The following CCDC175 variants were observed in gnomAD, a reference collection of about 807,000 sequenced individuals.
The protein encoded by CCDC175 is coiled-coil domain containing 175.
CCDC175 carries 100 observed loss-of-function variants against 114.6 expected under a neutral mutation model. The observed-to-expected ratio is 0.87, with a 90% CI of 0.74 to 1.03. The LOEUF (loss-of-function observed/expected upper bound fraction) is 1.03. Ranked by LOEUF, CCDC175 falls within the 50% of genes least tolerant of loss-of-function variation. CCDC175 has a pLI of 0.00. For missense variants in CCDC175, 880 were observed against 917.8 expected (o/e 0.96, Z 0.53); for synonymous variants, 306 against 308.7 (o/e 0.99, Z 0.09).
At chr14:59,549,423 G>A (rs980857911) in intron 8 of CCDC175, among the ~76,000 whole-genome samples, 6 of 152,184 alleles carry the variant, frequency 3.9e-5, no homozygotes, top group Non-Finnish European at 8.8e-5. Context: ...TGCAGCAGGA[G>A]GATCACCTAG....
At chr14:59,551,848 C>T (rs1170088699) in intron 7 of CCDC175, among the ~76,000 whole-genome samples, 2 of 152,238 alleles carry the variant, frequency 1.3e-5, no homozygotes, top group East Asian at 3.8e-4. Flanking sequence ...GAGGATCCCA[C>T]GCCCATGGAG....
At chr14:59,568,488 T>G in intron 3 of CCDC175, 108 bp from the exon 4 acceptor site, 1 of 888,580 alleles carries the variant, frequency 1.1e-6, no homozygotes. Flanking sequence ...TAATAATGTT[T>G]TTTATCAAGC....
At chr14:59,561,344 ACTTC>A in intron 6 of CCDC175, 116 bp from the exon 7 acceptor site, 1 of 490,990 alleles carries the variant, frequency 2.0e-6, no homozygotes, top group Non-Finnish European at 3.6e-6. Flanking sequence ...TTAGGAGTGT[ACTTC>A]AAGGAAAAAA....
At chr14:59,552,364 G>C (rs542175485) in intron 7 of CCDC175, among the ~76,000 whole-genome samples, 2 of 152,324 alleles carry the variant, frequency 1.3e-5, no homozygotes, top group South Asian at 4.1e-4. Context: ...ACAGGGTCTG[G>C]AGTGGACCTC....
Position 59,545,266 on chromosome 14 carries a change from A to G in CCDC175, c.1069T>C (p.Tyr357His), listed in dbSNP as rs1027543109. The change falls in exon 9 of 20, where the codon TAC becomes CAC. Residue 357 changes from tyrosine to histidine, a missense_variant. Tyr to His is a moderately conservative substitution (Grantham distance 83). Coordinates refer to ENST00000537690, the MANE Select transcript of CCDC175 (RefSeq NM_001164399.2). Reference protein sequence around the residue: ...VETLHAARMEYKDLREKMKTL... With the variant: ...VETLHAARMEHKDLREKMKTL... ...TTCATTTTCTCTCGTAGGTCTTTGT[A>G]TTCCATACGAGCAGCATGCAGTGTT... The G allele has an allele frequency of 6.5e-7, 1 of 1,536,976 alleles. No individual in the cohort carries two copies. Among genetic ancestry groups the G allele is most frequent in the Non-Finnish European group, 8.7e-7 (1 of 1,146,750 alleles).
chr14:59,576,528 G>T, intron 1 of CCDC175, 91 bp downstream of exon 1: 1 of 1,226,282 alleles, frequency 8.2e-7, no homozygotes, highest in Non-Finnish European at 1.1e-6. Context: ...CTGGTTCCGG[G>T]AGGAGAGTCC....
intron 6 of CCDC175, 111 bp from the exon 7 acceptor site, chr14:59,561,339 A>C (rs1896218450): frequency 3.9e-6 from 2 of 513,310 alleles, no homozygotes; most frequent in African/African-American, 1.9e-5. Context: ...TTACATTAGG[A>C]GTGTACTTCA....
intron 2 of CCDC175, among the ~76,000 whole-genome samples, chr14:59,573,198 C>T (rs1896931986): frequency 6.6e-6 from 1 of 152,158 alleles, no homozygotes; most frequent in African/African-American, 2.4e-5. Context: ...ATGGTTTTCT[C>T]ATACACACCT....
At chr14:59,539,303 C>T (rs1019689419) in intron 11 of CCDC175, among the ~76,000 whole-genome samples, 14 of 152,342 alleles carry the variant, frequency 9.2e-5, no homozygotes, top group Admixed American at 3.3e-4. Context: ...TAGGGCCAGG[C>T]GCAGTGGCTC....
intron 13 of CCDC175, among the ~76,000 whole-genome samples, chr14:59,534,001 A>AAAG (rs1269845389): frequency 4.0e-5 from 6 of 151,724 alleles, no homozygotes; most frequent in Non-Finnish European, 5.9e-5. Flanking sequence ...AAAAAAAAAA[A>AAAG]AAAAAGAAAC....
intron 17 of CCDC175, among the ~76,000 whole-genome samples, chr14:59,519,830 G>T (rs898340492): frequency 1.3e-5 from 2 of 152,158 alleles, no homozygotes; most frequent in Non-Finnish European, 2.9e-5. Context: ...GTCATAAGAC[G>T]CCATGAACTT....
At chr14:59,546,978 G>T (rs117582733) in intron 8 of CCDC175, among the ~76,000 whole-genome samples, 301 of 152,244 alleles carry the variant, frequency 2.0e-3, no homozygotes, top group Middle Eastern at 3.4e-3. Context: ...GGTGGCTCGT[G>T]CCTGTAATCC....
chr14:59,564,275 T>G (rs906185874), intron 5 of CCDC175: 6 of 152,800 alleles, frequency 3.9e-5, no homozygotes, highest in African/African-American at 1.4e-4. Context: ...TCACATTATT[T>G]AATGGGAAAT....
intron 10 of CCDC175, among the ~76,000 whole-genome samples, chr14:59,542,119 G>A (rs1179363153): frequency 6.6e-6 from 1 of 152,114 alleles, no homozygotes; most frequent in African/African-American, 2.4e-5. Flanking sequence ...CTCCCTTTGT[G>A]TGGTGATATC....
At chr14:59,565,767 G>C (rs1161847503) in intron 4 of CCDC175, among the ~76,000 whole-genome samples, 3 of 152,034 alleles carry the variant, frequency 2.0e-5, no homozygotes, top group African/African-American at 7.2e-5. Context: ...CATCAACCTT[G>C]CAACTTTTAC....
chr14:59,521,733 T>C (rs1893439150), intron 16 of CCDC175, 57 bp from the exon 17 acceptor site: 1 of 943,916 alleles, frequency 1.1e-6, no homozygotes, highest in East Asian at 2.6e-5. Context: ...AGATAAATTA[T>C]CATGTAGTCA....
intron 16 of CCDC175, among the ~76,000 whole-genome samples, chr14:59,524,339 T>C (rs112751104): frequency 6.0e-4 from 91 of 152,300 alleles, no homozygotes; most frequent in African/African-American, 2.2e-3. Flanking sequence ...AAATAGACTT[T>C]AATTTTAGGG....
chr14:59,537,960 A>C, intron 13 of CCDC175, 63 bp downstream of exon 13: 945 of 844,968 alleles, frequency 1.1e-3, no homozygotes, highest in Non-Finnish European at 1.3e-3. Flanking sequence ...AGCATGAAAT[A>C]TTATTCCCCC....
At chr14:59,526,856 T>C (rs527869030) in intron 15 of CCDC175, among the ~76,000 whole-genome samples, 4 of 152,332 alleles carry the variant, frequency 2.6e-5, no homozygotes, top group Middle Eastern at 3.4e-3. Flanking sequence ...TTTCTCTGTA[T>C]ACATATACAC....
Sources: allele counts gnomAD v4.1 joint callset (sites outside exome capture counted in the v4.1 genomes callset), GRCh38; gene constraint gnomAD v4.1.1; transcripts MANE v1.5; gene names NCBI Gene and HGNC (gene_info 2026-07-23, HGNC 2026-07-21).